SAFB: variants seen among roughly 807,000 people sequenced by gnomAD.
SAFB encodes scaffold attachment factor B.
A neutral mutation model predicts 101.6 loss-of-function variants in SAFB; 15 were observed. The ratio of observed to expected loss-of-function variants is 0.15; its 90% confidence interval spans 0.10 to 0.23. The LOEUF (loss-of-function observed/expected upper bound fraction) is 0.23, where lower values mean the gene tolerates loss of function less well. SAFB is among the 10% of genes least tolerant of loss of function. The pLI is 1.00. For synonymous variants in SAFB, 449 were observed against 407.5 expected, an observed-to-expected ratio of 1.10 and a Z score of -1.23; for missense variants, 930 against 1,104.1, an observed-to-expected ratio of 0.84 and a Z score of 2.23.
At chr19:5,626,598 T>C in intron 2 of SAFB, 109 bp downstream of exon 2, 1 of 664,476 alleles carries the variant, frequency 1.5e-6, no homozygotes, top group East Asian at 2.8e-5. Context: ...TGAACCACTC[T>C]GAACTGGGAG....
chr19:5,657,219 T>G (rs753364643), intron 13 of SAFB, 22 bp from the exon 14 acceptor site: 23 of 1,600,878 alleles, frequency 1.4e-5, no homozygotes, highest in Non-Finnish European at 1.9e-5. Context: ...CTTTAACTTT[T>G]TAATGTTCTT....
At chr19:5,623,486 C>T (rs2053242104) in intron 1 of SAFB, 92 bp downstream of exon 1, 4 of 1,155,054 alleles carry the variant, frequency 3.5e-6, no homozygotes, top group Admixed American at 6.4e-5. Context: ...CCGCCCCCGG[C>T]CGCGTTCGCG....
chr19:5,633,741 T>C (rs2053539111), intron 2 of SAFB, among the ~76,000 whole-genome samples: 1 of 150,504 alleles, frequency 6.6e-6, no homozygotes, highest in Non-Finnish European at 1.5e-5. Context: ...ATTGCGCCAC[T>C]GCACTCCAGC....
intron 2 of SAFB, among the ~76,000 whole-genome samples, chr19:5,633,732 TTG>T (rs2053538681): frequency 2.0e-5 from 3 of 151,750 alleles, no homozygotes; most frequent in Non-Finnish European, 4.4e-5. Context: ...TGAGCCGAGA[TTG>T]CGCCACTGCA....
chr19:5,659,952 G>A (rs1415314638), intron 14 of SAFB, among the ~76,000 whole-genome samples: 2 of 152,152 alleles, frequency 1.3e-5, no homozygotes, highest in African/African-American at 2.4e-5. Context: ...CCCATAAACC[G>A]CAGCCCTTTC....
At chr19:5,668,088 G>T (rs1254969646) in intron 20 of SAFB, 74 bp from the exon 21 acceptor site, 3 of 1,556,968 alleles carry the variant, frequency 1.9e-6, no homozygotes, top group Admixed American at 2.0e-5. Context: ...CAACACTCAG[G>T]GAAGCTGTGC....
rs145429190 is a variant in SAFB, at chr19:5,631,963, C to T, written c.274+5474C>T. Among the ~76,000 whole-genome samples, 38 of 152,240 alleles carry T rather than the reference C, an allele frequency of 2.5e-4. No homozygotes were observed. The East Asian group carries it at 6.2e-3, about 25-fold the overall frequency. ...TCAGGAGACTGAGGTGGGAGGATCACGTGAGTCCAGGAATTTGAGGTTGCA... is the reference window on the plus strand; with the variant it reads ...TCAGGAGACTGAGGTGGGAGGATCATGTGAGTCCAGGAATTTGAGGTTGCA... On this transcript the variant is annotated intron_variant, in intron 2 of 20. Coordinates refer to ENST00000588852, the MANE Select transcript of SAFB (RefSeq NM_001201338.2).
At chr19:5,635,572 A>G (rs2053578997) in intron 2 of SAFB, among the ~76,000 whole-genome samples, 1 of 152,118 alleles carries the variant, frequency 6.6e-6, no homozygotes, top group African/African-American at 2.4e-5. Context: ...TAATACGTAT[A>G]TTTGCATAAT....
At chr19:5,640,079 C>A (rs2053674173) in intron 2 of SAFB, among the ~76,000 whole-genome samples, 1 of 152,056 alleles carries the variant, frequency 6.6e-6, no homozygotes, top group South Asian at 2.1e-4. Context: ...GTCCCGAAAT[C>A]CTGACCTCAG....
rs183326013 is a variant in SAFB, at chr19:5,627,772, A to G, written c.274+1283A>G. Among the ~76,000 whole-genome samples the G allele has an allele frequency of 8.2e-4, 125 of 152,086 alleles. 1 individual carries two copies. The highest frequency in any genetic ancestry group is 3.0e-3 in the African/African-American group (123 of 41,494). On this transcript the variant is annotated intron_variant, in intron 2 of 20. Transcript: ENST00000588852. Reference sequence around the variant, plus strand: ...CAAAAGACAACTGATCCATCCCACCAATAGCAACTCGTCTCCTTGGGTCCT... The same window carrying G: ...CAAAAGACAACTGATCCATCCCACCGATAGCAACTCGTCTCCTTGGGTCCT...
rs1469002061 is a variant in SAFB, at chr19:5,668,254, G to A, written c.2717G>A (p.Ser906Asn). ...QGGFGGQSRGSRPSDARFTRR... is the reference protein window; with the variant it reads ...QGGFGGQSRGNRPSDARFTRR... The stretch of plus-strand genomic sequence containing the variant: ...GGGTTTGGAGGCCAGAGCCGGGGGA[G>A]CAGGCCCAGCGATGCCCGCTTCACT... Residue 906 changes from serine to asparagine, a missense_variant, in exon 21 of 21, where the codon AGC becomes AAC. Physicochemically the swap from Ser to Asn is conservative, Grantham distance 46. This residue lies in a region of SAFB where 318 missense variants were observed against 342.6 expected (regional missense o/e 0.93). Coordinates refer to ENST00000588852, the MANE Select transcript of SAFB (RefSeq NM_001201338.2). The A allele has an allele frequency of 6.2e-7, 1 of 1,611,696 alleles. No individual in the cohort carries two copies. Among genetic ancestry groups the A allele is most frequent in the Admixed American group, 1.7e-5 (1 of 59,462 alleles).
At chr19:5,645,690 A>G (rs1273850741) in intron 5 of SAFB, among the ~76,000 whole-genome samples, 1 of 152,182 alleles carries the variant, frequency 6.6e-6, no homozygotes, top group Non-Finnish European at 1.5e-5. Context: ...TGGCAGGGGA[A>G]GGCAGCCTGT....
chr19:5,648,268 G>T, intron 6 of SAFB: 1 of 540,358 alleles, frequency 1.9e-6, no homozygotes, highest in South Asian at 2.6e-5. Context: ...GTATTGGTGA[G>T]ATGAAAGTAT....
chr19:5,662,104 C>T (rs561052211), intron 15 of SAFB, among the ~76,000 whole-genome samples: 2 of 152,224 alleles, frequency 1.3e-5, no homozygotes, highest in African/African-American at 4.8e-5. Flanking sequence ...CCAGGATGGT[C>T]TCTATCTCCT....
rs367871587 is a variant in SAFB at position 5,650,978 on chromosome 19, G to A, written c.1199G>A (p.Gly400Asp). The stretch of plus-strand genomic sequence containing the variant: ...TTACTAGAATTTTCTTTTGAAATAG[G>A]TCGCAGCAGTTGTGGTAGAAATTTC... ...DTKRLSKEEK[G>D]RSSCGRNFWV... Residue 400 changes from glycine to aspartate, a missense_variant and splice_region_variant, in exon 9 of 21, where the codon GGT becomes GAT. Transcript: ENST00000588852. The A allele has an allele frequency of 3.1e-6, 5 of 1,589,672 alleles. No homozygotes were observed. The highest frequency in any genetic ancestry group is 1.1e-5 in the South Asian group (1 of 88,510).
intron 13 of SAFB, among the ~76,000 whole-genome samples, chr19:5,654,665 C>T (rs1748229643): frequency 6.6e-6 from 1 of 152,188 alleles, no homozygotes; most frequent in Non-Finnish European, 1.5e-5. Flanking sequence ...CTCACTCCAA[C>T]CTCCGCCTCC....
intron 2 of SAFB, among the ~76,000 whole-genome samples, chr19:5,636,394 C>CT (rs2053596922): frequency 6.6e-6 from 1 of 152,022 alleles, no homozygotes; most frequent in Non-Finnish European, 1.5e-5. Flanking sequence ...ACAGAGACCA[C>CT]TGGGTTGAGT....
rs2054201054 is a variant in SAFB at position 5,661,463 on chromosome 19, C to G, written c.1863-55C>G. 8.1e-6 allele frequency: 13 copies of G among 1,597,346 alleles called. No individual in the cohort carries two copies. In the East Asian group the frequency reaches 2.9e-4, roughly 36 times the overall value. ...CCCAGCGTCTTACTTAAAGTCAGCC[C>G]TGGGACCTGGCTGGGGGTGTCTAGG... is the stretch of plus-strand genomic sequence containing the variant. On this transcript the variant is annotated intron_variant, in intron 14 of 20. Transcript: ENST00000588852.
chr19:5,663,546 A>G (rs1352989102), intron 15 of SAFB, among the ~76,000 whole-genome samples: 2 of 152,294 alleles, frequency 1.3e-5, no homozygotes, highest in African/African-American at 2.4e-5. Context: ...TCTAGGATCT[A>G]TTATGCTTTG....
Sources: allele counts gnomAD v4.1 joint callset (sites outside exome capture counted in the v4.1 genomes callset), GRCh38; gene constraint gnomAD v4.1.1; regional missense constraint gnomAD v4.1.1; transcripts MANE v1.5; gene names NCBI Gene and HGNC (gene_info 2026-07-23, HGNC 2026-07-21).